PYGB: variants seen among roughly 807,000 people sequenced by gnomAD.
The protein encoded by PYGB is glycogen phosphorylase, brain form.
In PYGB, 82 loss-of-function variants were observed where a neutral mutation model predicts 94.3. That is an observed-to-expected ratio of 0.87 (90% CI 0.73 to 1.04). The LOEUF (loss-of-function observed/expected upper bound fraction) is 1.04. Among genes scored for constraint, PYGB ranks in the 50% least tolerant of loss-of-function variants. The pLI is 0.00. For missense variants in PYGB, 1,132 were observed against 1,158.2 expected, an observed-to-expected ratio of 0.98 and a Z score of 0.33; for synonymous variants, 488 against 479.1, an observed-to-expected ratio of 1.02 and a Z score of -0.24.
At chr20:25,294,876 G>A in intron 18 of PYGB, 1 of 1,389,392 alleles carries the variant, frequency 7.2e-7, no homozygotes, top group Non-Finnish European at 1.0e-6. Context: ...ATCCGGCGAG[G>A]GCTGGGAATT....
chr20:25,248,147 T>G lies in PYGB; in HGVS notation c.-32T>G. The G allele has an allele frequency of 6.4e-7, 1 of 1,562,774 alleles. No homozygotes were observed. The highest frequency in any genetic ancestry group is 8.6e-7 in the Non-Finnish European group (1 of 1,156,112). On this transcript the variant is annotated 5_prime_UTR_variant, in exon 1 of 20. Coordinates refer to ENST00000216962, the MANE Select transcript of PYGB (RefSeq NM_002862.4). Reference sequence around the variant, plus strand: ...TTCGCGTGTGCCGCCGCTTTCCTCCTCCATCTCTTTTCCTCCGCCTCCGCC... The same window carrying G: ...TTCGCGTGTGCCGCCGCTTTCCTCCGCCATCTCTTTTCCTCCGCCTCCGCC...
intron 18 of PYGB, 42 bp downstream of exon 18, chr20:25,294,334 GGGA>G: frequency 1.4e-6 from 2 of 1,435,344 alleles, no homozygotes; most frequent in Non-Finnish European, 1.9e-6. Context: ...GAGGGAGGGA[GGGA>G]GGGAGGGGTC....
chr20:25,283,547 G>A (rs1012807126), intron 13 of PYGB, among the ~76,000 whole-genome samples: 2 of 152,208 alleles, frequency 1.3e-5, no homozygotes, highest in East Asian at 1.9e-4. Context: ...CCCGTGCCTC[G>A]ACCCTCTGCC....
At chr20:25,251,627 G>C (rs996813480) in intron 1 of PYGB, among the ~76,000 whole-genome samples, 2 of 152,186 alleles carry the variant, frequency 1.3e-5, no homozygotes, top group African/African-American at 4.8e-5. Flanking sequence ...AGTGAAAGCA[G>C]CCCATGCCCA....
intron 15 of PYGB, chr20:25,288,701 A>C (rs1233792043): frequency 1.7e-6 from 1 of 586,440 alleles, no homozygotes; most frequent in Non-Finnish European, 3.0e-6. Context: ...AGGGGTCCCC[A>C]GCCTAGAGGG....
intron 17 of PYGB, among the ~76,000 whole-genome samples, chr20:25,293,271 C>T (rs983172473): frequency 6.6e-6 from 1 of 152,092 alleles, no homozygotes; most frequent in African/African-American, 2.4e-5. Flanking sequence ...CACTGGCCCT[C>T]CTGCAGCCCA....
At chr20:25,283,425 G>A in intron 13 of PYGB, 148 bp downstream of exon 13, 1 of 684,506 alleles carries the variant, frequency 1.5e-6, no homozygotes, top group Non-Finnish European at 2.4e-6. Context: ...CTGAGGGTGA[G>A]GCTGTTAGGG....
chr20:25,254,300 CAAAT>C (rs2092897053), intron 1 of PYGB, among the ~76,000 whole-genome samples: 1 of 152,062 alleles, frequency 6.6e-6, no homozygotes, highest in South Asian at 2.1e-4. Flanking sequence ...GTAAAAAATA[CAAAT>C]AAATAATTGG....
intron 15 of PYGB, chr20:25,289,892 T>C (rs765523246): frequency 3.7e-5 from 20 of 533,544 alleles, no homozygotes; most frequent in South Asian, 2.5e-4. Flanking sequence ...ACCTAAAGCA[T>C]TGGACAGGAG....
intron 1 of PYGB, among the ~76,000 whole-genome samples, chr20:25,254,071 CA>C (rs11350552): frequency 0.27 from 34,312 of 129,420 alleles, 4,002 homozygotes; most frequent in East Asian, 0.41. Context: ...GACTCTGTCT[CA>C]AAAAAAAAAA....
chr20:25,270,308 TCTC>T (rs1385218212), intron 3 of PYGB, among the ~76,000 whole-genome samples: 7 of 151,446 alleles, frequency 4.6e-5, no homozygotes, highest in Admixed American at 3.9e-4. Context: ...TTCACGCCAT[TCTC>T]CTGCCTCAGC....
chr20:25,249,944 G>A (rs1394480491), intron 1 of PYGB, among the ~76,000 whole-genome samples: 1 of 151,978 alleles, frequency 6.6e-6, no homozygotes, highest in African/African-American at 2.4e-5. Context: ...CCGCCTCCCG[G>A]GTTCAAGCAA....
chr20:25,281,452 C>T (rs1295818550), intron 11 of PYGB, among the ~76,000 whole-genome samples: 1 of 152,254 alleles, frequency 6.6e-6, no homozygotes, highest in Non-Finnish European at 1.5e-5. Context: ...AGGGCTTGGA[C>T]AGGGCTTGAA....
rs1006798148 is a variant in PYGB at position 25,283,175 on chromosome 20, G to C, written c.1519-1G>C. On this transcript the variant is annotated splice_acceptor_variant, in intron 12 of 19. Coordinates refer to ENST00000216962, the MANE Select transcript of PYGB (RefSeq NM_002862.4). LOFTEE classifies it high-confidence loss of function. ...GTGAGCGGAACCTTTACGTTCTCCAGAAAATTGGGGAGGAGTTCCTGACTG... is the reference window on the plus strand; with the variant it reads ...GTGAGCGGAACCTTTACGTTCTCCACAAAATTGGGGAGGAGTTCCTGACTG... 1.2e-6 allele frequency: 2 copies of C among 1,612,400 alleles called. No individual in the cohort carries two copies. Among genetic ancestry groups the C allele is most frequent in the Non-Finnish European group, 1.7e-6 (2 of 1,178,734 alleles).
At chr20:25,257,050 G>T (rs945319959) in intron 1 of PYGB, among the ~76,000 whole-genome samples, 3 of 152,170 alleles carry the variant, frequency 2.0e-5, no homozygotes, top group African/African-American at 7.2e-5. Flanking sequence ...AGCCAGGGCA[G>T]GGAGCTGGGA....
At chr20:25,295,832 A>G (rs2088533751) in intron 19 of PYGB, among the ~76,000 whole-genome samples, 162 bp downstream of exon 19, 1 of 152,222 alleles carries the variant, frequency 6.6e-6, no homozygotes, top group African/African-American at 2.4e-5. Context: ...CCTTTAGGGA[A>G]GCTGTCACTG....
intron 13 of PYGB, 130 bp from the exon 14 acceptor site, chr20:25,283,973 CA>C (rs986444807): frequency 8.3e-6 from 9 of 1,087,062 alleles, no homozygotes; most frequent in Middle Eastern, 5.4e-4. Flanking sequence ...CTCTGCCCCT[CA>C]GCTCCAGCCT....
chr20:25,297,551 T>C lies in PYGB; in HGVS notation c.*1029T>C, dbSNP rs2088567825. ...GGACCAGGGGTCCCGGAGGAACCCA[T>C]TTGTGCTCTGCTTGGACAGCAGGCC... is the stretch of plus-strand genomic sequence containing the variant. On this transcript the variant is annotated 3_prime_UTR_variant, in exon 20 of 20. Transcript: ENST00000216962. 2 of 152,254 alleles carry C rather than the reference T, an allele frequency of 1.3e-5. No homozygotes were observed. The highest frequency in any genetic ancestry group is 6.5e-5 in the Admixed American group (1 of 15,286). The allele number at this position is 152,254 out of a possible 1,614,324, so 9.4% of individuals were successfully genotyped here.
intron 4 of PYGB, among the ~76,000 whole-genome samples, chr20:25,272,490 T>C (rs2088276164): frequency 6.6e-6 from 1 of 152,266 alleles, no homozygotes; most frequent in African/African-American, 2.4e-5. Context: ...TGGACTCATA[T>C]CTGCAGCTTG....
Sources: gnomAD v4.1 joint callset for allele counts (sites outside exome capture counted in the v4.1 genomes callset) on GRCh38, gnomAD v4.1.1 for gene constraint, MANE v1.5 for transcripts, NCBI Gene and HGNC (gene_info 2026-07-23, HGNC 2026-07-21) for gene names.